NRXN1: variants seen among roughly 807,000 people sequenced by gnomAD.
The protein encoded by NRXN1 is neurexin 1.
In NRXN1, 39 loss-of-function variants were observed where a neutral mutation model predicts 150.9. That is an observed-to-expected ratio of 0.26 (90% CI 0.20 to 0.34). NRXN1 has a LOEUF of 0.34. Ranked by LOEUF, NRXN1 falls within the 10% of genes least tolerant of loss-of-function variation. The probability of loss-of-function intolerance (pLI) is 1.00; values close to 1 mark genes in which losing one functional copy is unlikely to be tolerated. For synonymous variants in NRXN1, 924 were observed against 757.0 expected (o/e 1.22, Z -3.62); for missense variants, 1,815 against 1,949.9 (o/e 0.93, Z 1.30).
chr2:50,941,823 A>G (rs1019163843), intron 2 of NRXN1, among the ~76,000 whole-genome samples: 19 of 152,228 alleles, frequency 1.2e-4, no homozygotes, highest in Admixed American at 5.2e-4. Context: ...ACAAAAACTC[A>G]TTTTCTGGGG....
rs148634156 is a variant in NRXN1 at position 50,648,862 on chromosome 2, C to G, written c.833-25247G>C. Among the ~76,000 whole-genome samples the G allele has an allele frequency of 3.4e-4, 52 of 152,056 alleles. 2 individuals are homozygous for G. In the East Asian group the frequency reaches 0.01, roughly 30 times the overall value. ...CAGTTTCCTCATAGAACTTTTGGCCCTTCTATTTGTAGGTCCATCTTTGCC... is the reference window on the plus strand; with the variant it reads ...CAGTTTCCTCATAGAACTTTTGGCCGTTCTATTTGTAGGTCCATCTTTGCC... On this transcript the variant is annotated intron_variant, in intron 5 of 22. Transcript: ENST00000401669.
chr2:50,529,735 T>C (rs1433700545), intron 11 of NRXN1, among the ~76,000 whole-genome samples: 1 of 152,222 alleles, frequency 6.6e-6, no homozygotes. Context: ...GTTTCCACTT[T>C]GACTAACAGC....
At chr2:50,964,101 G>A (rs376169256) in intron 2 of NRXN1, 87 of 298,294 alleles carry the variant, frequency 2.9e-4, no homozygotes, top group Admixed American at 9.5e-4. Context: ...ATGTTATTTC[G>A]ACAACGATTA....
intron 9 of NRXN1, among the ~76,000 whole-genome samples, chr2:50,548,568 T>C (rs2093545236): frequency 6.6e-6 from 1 of 152,144 alleles, no homozygotes; most frequent in Non-Finnish European, 1.5e-5. Flanking sequence ...CAGGGGTTGT[T>C]TGGCACTGTA....
intron 5 of NRXN1, among the ~76,000 whole-genome samples, chr2:50,885,050 T>C (rs1164176818): frequency 6.6e-6 from 1 of 151,678 alleles, no homozygotes; most frequent in Admixed American, 6.6e-5. Flanking sequence ...GAATATAAAA[T>C]GAGACTTTCG....
At chr2:49,945,968 C>T (rs1287570222) in intron 21 of NRXN1, among the ~76,000 whole-genome samples, 2 of 152,168 alleles carry the variant, frequency 1.3e-5, no homozygotes, top group East Asian at 1.9e-4. Flanking sequence ...ACCACACTGT[C>T]TTCCACAATG....
chr2:50,305,498 T>A lies in NRXN1; in HGVS notation c.3365-68528A>T, dbSNP rs970490144. Among the ~76,000 whole-genome samples, 5 of 152,230 alleles carry A rather than the reference T, an allele frequency of 3.3e-5. No individual in the cohort carries two copies. In the Middle Eastern group the frequency reaches 0.014, roughly 414 times the overall value. On this transcript the variant is annotated intron_variant, in intron 17 of 22. Transcript: ENST00000401669. Reference sequence around the variant, plus strand: ...AAACACATACCAGAAACAAGAAAAATTTTATTTGTTAAATTTAAGATTTAA... The same window carrying A: ...AAACACATACCAGAAACAAGAAAAAATTTATTTGTTAAATTTAAGATTTAA...
At chr2:50,501,610 A>G (rs1221333616) in intron 13 of NRXN1, among the ~76,000 whole-genome samples, 1 of 151,868 alleles carries the variant, frequency 6.6e-6, no homozygotes, top group Non-Finnish European at 1.5e-5. Flanking sequence ...TATATGGTGA[A>G]TGTTGTTCCA....
intron 18 of NRXN1, among the ~76,000 whole-genome samples, chr2:50,176,286 C>T (rs1004645374): frequency 1.3e-5 from 2 of 152,082 alleles, no homozygotes; most frequent in African/African-American, 4.8e-5. Flanking sequence ...TAAAAAATGT[C>T]CAAGTCAACA....
At chr2:50,880,656 A>G (rs1679298965) in intron 5 of NRXN1, among the ~76,000 whole-genome samples, 1 of 152,052 alleles carries the variant, frequency 6.6e-6, no homozygotes, top group Non-Finnish European at 1.5e-5. Context: ...CGAGGTTAAC[A>G]GAAGAATCAG....
intron 5 of NRXN1, among the ~76,000 whole-genome samples, chr2:50,843,940 A>C (rs1340925965): frequency 1.3e-5 from 2 of 152,158 alleles, no homozygotes; most frequent in Non-Finnish European, 2.9e-5. Flanking sequence ...GGTCAGCCTT[A>C]AACCAAACTT....
At chr2:50,088,154 C>G (rs1699059356) in intron 19 of NRXN1, among the ~76,000 whole-genome samples, 1 of 152,108 alleles carries the variant, frequency 6.6e-6, no homozygotes, top group African/African-American at 2.4e-5. Flanking sequence ...ATATACTAGA[C>G]TTTGCTACTG....
chr2:49,960,305 C>T (rs1175937541), intron 21 of NRXN1, among the ~76,000 whole-genome samples: 2 of 152,110 alleles, frequency 1.3e-5, no homozygotes, highest in Non-Finnish European at 2.9e-5. Context: ...TTATAGCAAC[C>T]AGAAACCACA....
chr2:50,364,162 C>G (rs2079422650), intron 17 of NRXN1, among the ~76,000 whole-genome samples: 1 of 152,080 alleles, frequency 6.6e-6, no homozygotes, highest in Admixed American at 6.6e-5. Flanking sequence ...ATGGGTGCAG[C>G]AAACCACCAT....
intron 2 of NRXN1, among the ~76,000 whole-genome samples, chr2:50,996,783 A>G (rs1699362274): frequency 1.3e-5 from 2 of 151,998 alleles, no homozygotes. Context: ...CTCCTTCTAT[A>G]TCATCTTCTA....
chr2:50,493,468 G>A (rs1287771699), intron 15 of NRXN1, among the ~76,000 whole-genome samples: 3 of 152,062 alleles, frequency 2.0e-5, no homozygotes, highest in East Asian at 1.9e-4. Context: ...CTCCCTCAAC[G>A]CCAGTGTTCT....
At chr2:50,932,164 G>C (rs1687846329) in intron 2 of NRXN1, among the ~76,000 whole-genome samples, 1 of 152,076 alleles carries the variant, frequency 6.6e-6, no homozygotes, top group African/African-American at 2.4e-5. Context: ...GAGGAAAGTG[G>C]ATCACTTGGT....
At chr2:50,203,276 G>A (rs750098330) in intron 18 of NRXN1, among the ~76,000 whole-genome samples, 1 of 152,136 alleles carries the variant, frequency 6.6e-6, no homozygotes, top group Non-Finnish European at 1.5e-5. Context: ...AGGTACATTG[G>A]TCTAACTTTT....
intron 5 of NRXN1, among the ~76,000 whole-genome samples, chr2:50,874,299 C>G (rs1167129990): frequency 6.6e-6 from 1 of 151,818 alleles, no homozygotes; most frequent in Non-Finnish European, 1.5e-5. Context: ...AACTGAATAT[C>G]AACACATACA....
Sources: gnomAD v4.1 joint callset for allele counts (sites outside exome capture counted in the v4.1 genomes callset) on GRCh38, gnomAD v4.1.1 for gene constraint, MANE v1.5 for transcripts, NCBI Gene and HGNC (gene_info 2026-07-23, HGNC 2026-07-21) for gene names.